Variants in WDR17 observed in about 807,000 individuals in gnomAD.
The protein encoded by WDR17 is WD repeat-containing protein 17.
Under a neutral mutation model 161.7 loss-of-function variants are expected in WDR17, and 143 were observed. The observed-to-expected ratio is 0.88, with a 90% confidence interval of 0.77 to 1.02. WDR17 has a LOEUF of 1.02. Among genes scored for constraint, WDR17 ranks in the 50% least tolerant of loss-of-function variants. WDR17 has a pLI of 0.00. For synonymous variants in WDR17, 517 were observed against 515.6 expected (o/e 1.00, Z -0.04); for missense variants, 1,469 against 1,520.9 (o/e 0.97, Z 0.57).
At chr4:176,149,720 A>C in intron 13 of WDR17, 87 bp from the exon 14 acceptor site, 1 of 1,524,486 alleles carries the variant, frequency 6.6e-7, no homozygotes. Flanking sequence ...CATAGCTTCA[A>C]TTCTGTAGAA....
intron 2 of WDR17, among the ~76,000 whole-genome samples, chr4:176,115,222 A>G (rs1330517228): frequency 6.6e-6 from 1 of 152,058 alleles, no homozygotes; most frequent in Non-Finnish European, 1.5e-5. Flanking sequence ...TTCACTAATT[A>G]ATGGAGGCAC....
At chr4:176,074,580 A>G (rs13128294) in intron 1 of WDR17, among the ~76,000 whole-genome samples, 79,166 of 151,490 alleles carry the variant, frequency 0.52, 22,084 homozygotes, top group South Asian at 0.63. Context: ...CCTCAGCCTC[A>G]TGAGTAGCTG....
intron 1 of WDR17, among the ~76,000 whole-genome samples, chr4:176,099,328 TC>T (rs1347395822): frequency 2.6e-5 from 4 of 152,136 alleles, no homozygotes; most frequent in Non-Finnish European, 5.9e-5. Flanking sequence ...AACCTGGGCA[TC>T]ACTGCCAGAG....
intron 5 of WDR17, among the ~76,000 whole-genome samples, chr4:176,128,501 C>T (rs182707227): frequency 6.6e-6 from 1 of 151,996 alleles, no homozygotes; most frequent in East Asian, 1.9e-4. Flanking sequence ...CCAAAACAGG[C>T]CGTTTCTAAA....
chr4:176,075,716 G>A (rs1254643409), intron 1 of WDR17, among the ~76,000 whole-genome samples: 2 of 152,144 alleles, frequency 1.3e-5, no homozygotes, highest in African/African-American at 4.8e-5. Context: ...TTATAGAGGA[G>A]TGAGATCAGC....
chr4:176,144,278 A>G (rs906890724), intron 11 of WDR17, among the ~76,000 whole-genome samples: 5 of 152,198 alleles, frequency 3.3e-5, no homozygotes, highest in African/African-American at 4.8e-5. Context: ...AGCACTTAAT[A>G]TAATAAAATT....
chr4:176,159,334 GAA>G (rs1491263561), intron 18 of WDR17, among the ~76,000 whole-genome samples: 9 of 150,300 alleles, frequency 6.0e-5, no homozygotes, highest in African/African-American at 2.0e-4. Flanking sequence ...GAGAGAGAGA[GAA>G]AGGGAGAGAG....
intron 17 of WDR17, among the ~76,000 whole-genome samples, chr4:176,155,716 A>AATATATATAAATAT (rs1748003707): frequency 7.7e-6 from 1 of 130,294 alleles, no homozygotes; most frequent in Non-Finnish European, 1.6e-5. Context: ...GACTAATTAA[A>AATATATATAAATAT]ATATATATAT....
intron 1 of WDR17, among the ~76,000 whole-genome samples, chr4:176,086,723 G>C (rs554602290): frequency 6.6e-6 from 1 of 151,726 alleles, no homozygotes; most frequent in South Asian, 2.1e-4. Flanking sequence ...ATTTTTTAAT[G>C]TAGATGCTAA....
Position 176,168,492 on chromosome 4 carries a change from C to T in WDR17, c.2991-180C>T, listed in dbSNP as rs1750213546. On this transcript the variant is annotated intron_variant, in intron 22 of 28. Coordinates refer to ENST00000508596, the MANE Select transcript of WDR17 (RefSeq NM_181265.4). ...TATAAATACATTTGTTGTTCATGACCTTTGGTTTGGGTAATCTGCATTTAC... is the reference window on the plus strand; with the variant it reads ...TATAAATACATTTGTTGTTCATGACTTTTGGTTTGGGTAATCTGCATTTAC... Among the ~76,000 whole-genome samples, 2 of 151,892 alleles carry T rather than the reference C, an allele frequency of 1.3e-5. 1 individual carries two copies. The highest frequency in any genetic ancestry group is 4.2e-4 in the South Asian group (2 of 4,780).
chr4:176,165,273 G>A lies in WDR17; in HGVS notation c.2990+1980G>A, dbSNP rs1406516353. ...AATACCATCTACTTGGGAGTCTGAG[G>A]CAGGAGAATCACTTGAACTCAGGCG... is the stretch of plus-strand genomic sequence containing the variant. On this transcript the variant is annotated intron_variant, in intron 22 of 28. Coordinates refer to ENST00000508596, the MANE Select transcript of WDR17 (RefSeq NM_181265.4). Among the ~76,000 whole-genome samples the A allele has an allele frequency of 2.6e-5, 4 of 152,144 alleles. No homozygotes were observed. In the South Asian group the frequency reaches 6.2e-4, roughly 24 times the overall value.
intron 1 of WDR17, among the ~76,000 whole-genome samples, chr4:176,074,063 C>T (rs76384730): frequency 0.52 from 77,303 of 149,604 alleles, 21,226 homozygotes; most frequent in South Asian, 0.62. Context: ...CCTGTTCACT[C>T]TGATGGTAGT....
At chr4:176,135,449 C>A in intron 8 of WDR17, 173 bp downstream of exon 8, 1 of 685,314 alleles carries the variant, frequency 1.5e-6, no homozygotes, top group Non-Finnish European at 2.4e-6. Context: ...AAGAGTCTAT[C>A]TGCAGAGGCA....
At chr4:176,092,226 G>A (rs1736216138) in intron 1 of WDR17, among the ~76,000 whole-genome samples, 1 of 152,120 alleles carries the variant, frequency 6.6e-6, no homozygotes, top group Admixed American at 6.6e-5. Flanking sequence ...GAATTCAACA[G>A]CATATTAAAA....
At chr4:176,086,360 C>G (rs1292916419) in intron 1 of WDR17, among the ~76,000 whole-genome samples, 1 of 151,848 alleles carries the variant, frequency 6.6e-6, no homozygotes, top group Non-Finnish European at 1.5e-5. Context: ...ATTCTATCAG[C>G]TATTGAGATT....
Position 176,151,890 on chromosome 4 carries a change from C to T in WDR17, c.2383C>T (p.Leu795=). The change falls in exon 17 of 29, where the codon CTG becomes TTG. Residue 795 remains leucine (L), a synonymous_variant. Transcript: ENST00000508596. The part of the protein sequence containing the change: ...GIGVPAKEER[L]KEAAEIHLRL... ...TGGTGTACCTGCTAAAGAGGAAAGACTGAAGGAAGCTGCTGAAATCCACTT... is the reference window on the plus strand; with the variant it reads ...TGGTGTACCTGCTAAAGAGGAAAGATTGAAGGAAGCTGCTGAAATCCACTT... 6.2e-7 allele frequency: 1 copy of T among 1,613,314 alleles called. No homozygotes were observed. Among genetic ancestry groups the T allele is most frequent in the South Asian group, 1.1e-5 (1 of 90,878 alleles).
At chr4:176,119,388 A>C (rs1246567529) in intron 3 of WDR17, among the ~76,000 whole-genome samples, 2 of 152,148 alleles carry the variant, frequency 1.3e-5, no homozygotes, top group Non-Finnish European at 2.9e-5. Flanking sequence ...ATAGATTATA[A>C]CATTAAGTCC....
rs558883997 is a variant in WDR17, at chr4:176,146,445, T to C, written c.1694+286T>C. 2.0e-5 allele frequency among the ~76,000 whole-genome samples: 3 copies of C among 152,262 alleles called. No homozygotes were observed. The East Asian group carries it at 5.8e-4, about 29-fold the overall frequency. ...ATAAATCCAAATTTAATAAGATAAA[T>C]AATTAGGAGATTTCTGTAGGTTATG... On this transcript the variant is annotated intron_variant, in intron 12 of 28. Transcript: ENST00000508596.
intron 2 of WDR17, among the ~76,000 whole-genome samples, 184 bp downstream of exon 2, chr4:176,111,887 C>T (rs1739819688): frequency 6.6e-6 from 1 of 152,042 alleles, no homozygotes; most frequent in South Asian, 2.1e-4. Flanking sequence ...AAAACACTTA[C>T]ATTATTAAAT....
Sources: allele counts gnomAD v4.1 joint callset (sites outside exome capture counted in the v4.1 genomes callset), GRCh38; gene constraint gnomAD v4.1.1; transcripts MANE v1.5; gene names NCBI Gene and HGNC (gene_info 2026-07-23, HGNC 2026-07-21).